The following PEX7 variants were observed in gnomAD, a reference collection of about 807,000 sequenced individuals.
PEX7 encodes peroxisomal biogenesis factor 7, also known as PTS2 receptor.
In PEX7, 34 loss-of-function variants were observed where a neutral mutation model predicts 47.5. The ratio of observed to expected loss-of-function variants is 0.72; its 90% confidence interval spans 0.54 to 0.95. The LOEUF (loss-of-function observed/expected upper bound fraction) is 0.95. PEX7 is among the 40% of genes least tolerant of loss of function. The pLI is 0.00. For missense variants in PEX7, 394 were observed against 400.3 expected, an observed-to-expected ratio of 0.98 and a Z score of 0.13; for synonymous variants, 141 against 148.8, an observed-to-expected ratio of 0.95 and a Z score of 0.38.
chr6:136,822,850 G>A, intron 1 of PEX7, 55 bp downstream of exon 1: 2 of 1,233,714 alleles, frequency 1.6e-6, no homozygotes, highest in Non-Finnish European at 2.0e-6. Context: ...GCGGGGGCCA[G>A]CCGGGCTCCA....
chr6:136,840,326 G>A (rs368271124), intron 3 of PEX7, among the ~76,000 whole-genome samples: 7 of 150,962 alleles, frequency 4.6e-5, no homozygotes, highest in East Asian at 3.9e-4. Flanking sequence ...TTTCTTCCTC[G>A]CTTCTTCCCA....
At chr6:136,876,198 A>G (rs996317291) in intron 8 of PEX7, among the ~76,000 whole-genome samples, 4 of 151,808 alleles carry the variant, frequency 2.6e-5, no homozygotes, top group Non-Finnish European at 4.4e-5. Context: ...TCACTATGCT[A>G]GGCTAATTTT....
chr6:136,889,695 G>C (rs552085035), intron 8 of PEX7, among the ~76,000 whole-genome samples: 4 of 151,980 alleles, frequency 2.6e-5, no homozygotes, highest in Non-Finnish European at 5.9e-5. Context: ...CTCATTTTTC[G>C]TAGTAGGAAG....
At chr6:136,881,272 G>C (rs868008660) in intron 8 of PEX7, among the ~76,000 whole-genome samples, 1 of 152,118 alleles carries the variant, frequency 6.6e-6, no homozygotes, top group Non-Finnish European at 1.5e-5. Context: ...GGGAGGAGGG[G>C]CTTTCAACAA....
chr6:136,877,399 T>A (rs1194874247), intron 8 of PEX7, among the ~76,000 whole-genome samples: 1 of 152,228 alleles, frequency 6.6e-6, no homozygotes, highest in Non-Finnish European at 1.5e-5. Flanking sequence ...CATGCCTATG[T>A]CCTGAATGGT....
At chr6:136,855,425 C>T (rs969140547) in intron 5 of PEX7, among the ~76,000 whole-genome samples, 7 of 151,498 alleles carry the variant, frequency 4.6e-5, no homozygotes, top group Non-Finnish European at 8.8e-5. Context: ...CTGCAACTTC[C>T]GCCTCCCACC....
chr6:136,889,168 G>A (rs760215252), intron 8 of PEX7, among the ~76,000 whole-genome samples: 9 of 151,916 alleles, frequency 5.9e-5, no homozygotes, highest in African/African-American at 2.2e-4. Flanking sequence ...TTTTCCATTT[G>A]ACTTGTTTAA....
chr6:136,905,771 G>A (rs1775836003), intron 9 of PEX7, among the ~76,000 whole-genome samples: 1 of 152,256 alleles, frequency 6.6e-6, no homozygotes. Flanking sequence ...CTTGCCCTAT[G>A]TATCCAGCAG....
intron 8 of PEX7, among the ~76,000 whole-genome samples, chr6:136,888,181 C>T (rs565570380): frequency 6.6e-6 from 1 of 151,878 alleles, no homozygotes; most frequent in African/African-American, 2.4e-5. Flanking sequence ...CCGTTACCAA[C>T]AAAAAAAGGT....
At chr6:136,895,490 A>G (rs753525129) in intron 8 of PEX7, among the ~76,000 whole-genome samples, 1 of 152,214 alleles carries the variant, frequency 6.6e-6, no homozygotes, top group Non-Finnish European at 1.5e-5. Context: ...GTCTCTGTTT[A>G]GTAAATCCTC....
intron 5 of PEX7, among the ~76,000 whole-genome samples, chr6:136,847,426 A>G (rs1022365859): frequency 2.0e-5 from 3 of 152,030 alleles, no homozygotes; most frequent in Non-Finnish European, 2.9e-5. Context: ...GCCCATGCCT[A>G]TGTCCTGAAT....
In PEX7 at chr6:136,860,399, A is replaced by G. The variant is rs199591167; in HGVS notation, c.527-6228A>G. Among the ~76,000 whole-genome samples, 198 of 147,526 alleles carry G rather than the reference A, an allele frequency of 1.3e-3. 1 individual carries two copies. Among genetic ancestry groups the G allele is most frequent in the African/African-American group, 4.8e-3 (193 of 39,924 alleles). Reference sequence around the variant, plus strand: ...ATTAACTGCAAGAGGGGACAGCTCAAGCCATGGCTCTTTTTTTTTTTTTTT... The same window carrying G: ...ATTAACTGCAAGAGGGGACAGCTCAGGCCATGGCTCTTTTTTTTTTTTTTT... On this transcript the variant is annotated intron_variant, in intron 5 of 9. Coordinates refer to ENST00000318471, the MANE Select transcript of PEX7 (RefSeq NM_000288.4).
chr6:136,884,875 C>G (rs1015863050), intron 8 of PEX7, among the ~76,000 whole-genome samples: 2 of 152,176 alleles, frequency 1.3e-5, no homozygotes, highest in Non-Finnish European at 2.9e-5. Flanking sequence ...CTAAACTTCA[C>G]TCAAGATAAT....
At chr6:136,832,919 T>G (rs996938226) in intron 3 of PEX7, among the ~76,000 whole-genome samples, 14 of 152,196 alleles carry the variant, frequency 9.2e-5, no homozygotes, top group Non-Finnish European at 2.1e-4. Context: ...ATTTAAGAAG[T>G]CTTTAAGAAT....
At chr6:136,860,871 C>G (rs1299977405) in intron 5 of PEX7, among the ~76,000 whole-genome samples, 1 of 152,160 alleles carries the variant, frequency 6.6e-6, no homozygotes, top group Non-Finnish European at 1.5e-5. Context: ...GGGCCTCCTC[C>G]CATCCTTATA....
chr6:136,854,844 T>C (rs1774830036), intron 5 of PEX7, among the ~76,000 whole-genome samples: 1 of 152,142 alleles, frequency 6.6e-6, no homozygotes, highest in South Asian at 2.1e-4. Context: ...CCCAGCACTT[T>C]GGGAGCTGAG....
At chr6:136,854,255 G>A (rs1178041827) in intron 5 of PEX7, among the ~76,000 whole-genome samples, 1 of 152,078 alleles carries the variant, frequency 6.6e-6, no homozygotes, top group African/African-American at 2.4e-5. Flanking sequence ...GGAGTGCAGT[G>A]GTACAATCTC....
intron 3 of PEX7, among the ~76,000 whole-genome samples, chr6:136,827,281 A>G (rs1467065318): frequency 6.6e-6 from 1 of 152,212 alleles, no homozygotes; most frequent in African/African-American, 2.4e-5. Context: ...GACAATCAAG[A>G]TTTCTAAGAT....
At chr6:136,844,762 T>C (rs1774564483) in intron 3 of PEX7, among the ~76,000 whole-genome samples, 1 of 152,232 alleles carries the variant, frequency 6.6e-6, no homozygotes, top group Non-Finnish European at 1.5e-5. Context: ...TGATGTTTTT[T>C]TTCCTCAGCC....
Sources: gnomAD v4.1 joint callset for allele counts (sites outside exome capture counted in the v4.1 genomes callset) on GRCh38, gnomAD v4.1.1 for gene constraint, MANE v1.5 for transcripts, NCBI Gene and HGNC (gene_info 2026-07-23, HGNC 2026-07-21) for gene names.